RANBP17: variants seen among roughly 807,000 people sequenced by gnomAD.
RANBP17 encodes RAN binding protein 17, also known as ran-binding protein 17.
Under a neutral mutation model 141.2 loss-of-function variants are expected in RANBP17, and 158 were observed. The ratio of observed to expected loss-of-function variants is 1.12; its 90% CI spans 0.98 to 1.28. The LOEUF (loss-of-function observed/expected upper bound fraction) is 1.28, where lower values mean the gene tolerates loss of function less well. Ranked by LOEUF, RANBP17 falls within the 50% of genes most tolerant of loss-of-function variation. RANBP17 has a pLI of 0.00. For synonymous variants in RANBP17, 430 were observed against 450.0 expected (o/e 0.96, Z 0.56); for missense variants, 1,438 against 1,290.7 (o/e 1.11, Z -1.75).
chr5:171,029,796 T>C (rs946537942), intron 14 of RANBP17, among the ~76,000 whole-genome samples: 1 of 152,110 alleles, frequency 6.6e-6, no homozygotes, highest in African/African-American at 2.4e-5. Context: ...CTACATGTAT[T>C]CTGACATTTA....
intron 25 of RANBP17, among the ~76,000 whole-genome samples, chr5:171,274,656 A>G (rs1767381510): frequency 6.6e-6 from 1 of 152,214 alleles, no homozygotes; most frequent in Admixed American, 6.5e-5. Context: ...GAGATCACCT[A>G]CATCCTGATA....
At chr5:171,251,435 A>G (rs1765551757) in intron 24 of RANBP17, among the ~76,000 whole-genome samples, 1 of 152,172 alleles carries the variant, frequency 6.6e-6, no homozygotes, top group East Asian at 1.9e-4. Context: ...CCACAGTGGA[A>G]TAAAACCAGA....
rs145963312 is a variant in RANBP17, at chr5:171,092,768, T to C, written c.1711-77362T>C. ...AATAAAATCTAGGAAACACAGTTGTTATTCACCCCATAGTAATGAAGAAAC... is the reference window on the plus strand; with the variant it reads ...AATAAAATCTAGGAAACACAGTTGTCATTCACCCCATAGTAATGAAGAAAC... On this transcript the variant is annotated intron_variant, in intron 14 of 27. Coordinates refer to ENST00000523189, the MANE Select transcript of RANBP17 (RefSeq NM_022897.5). 4.6e-5 allele frequency among the ~76,000 whole-genome samples: 7 copies of C among 152,348 alleles called. No individual in the cohort carries two copies. In the East Asian group the frequency reaches 1.3e-3, roughly 29 times the overall value.
intron 12 of RANBP17, among the ~76,000 whole-genome samples, chr5:170,933,841 G>A (rs1048832448): frequency 6.6e-6 from 1 of 152,122 alleles, no homozygotes; most frequent in Non-Finnish European, 1.5e-5. Flanking sequence ...CAACTATGTG[G>A]TCAATTTTGG....
chr5:171,226,298 A>C (rs1327974757), intron 22 of RANBP17, among the ~76,000 whole-genome samples: 1 of 152,100 alleles, frequency 6.6e-6, no homozygotes, highest in Non-Finnish European at 1.5e-5. Context: ...CTTTAGTGAC[A>C]TCTGTTGGTT....
intron 14 of RANBP17, among the ~76,000 whole-genome samples, chr5:171,149,571 A>G (rs905559764): frequency 9.2e-5 from 14 of 152,204 alleles, no homozygotes; most frequent in Non-Finnish European, 2.1e-4. Flanking sequence ...AAGACACGCT[A>G]TGATTGCTTT....
intron 14 of RANBP17, among the ~76,000 whole-genome samples, chr5:171,051,386 T>G (rs1782942401): frequency 6.6e-6 from 1 of 152,178 alleles, no homozygotes. Context: ...GTAATCACTC[T>G]CTATTCTTTA....
At chr5:170,919,701 T>C in intron 11 of RANBP17, 88 bp downstream of exon 11, 1 of 982,280 alleles carries the variant, frequency 1.0e-6, no homozygotes, top group South Asian at 1.8e-5. Context: ...ATTCACCCCT[T>C]TTAGCGTACA....
rs186550722 is a variant in RANBP17, at chr5:171,107,700, T to C, written c.1711-62430T>C. Among the ~76,000 whole-genome samples the C allele has an allele frequency of 5.0e-3, 760 of 152,342 alleles. 3 individuals carry two copies. Among genetic ancestry groups the C allele is most frequent in the Non-Finnish European group, 8.9e-3 (608 of 68,034 alleles). ...CATAGTTTGAATTCACTTACTATTA[T>C]TGATTTCTATATTTATTAGAATGAA... is the stretch of plus-strand genomic sequence containing the variant. On this transcript the variant is annotated intron_variant, in intron 14 of 27. Transcript: ENST00000523189.
intron 4 of RANBP17, among the ~76,000 whole-genome samples, chr5:170,894,063 A>G (rs185301669): frequency 6.6e-6 from 1 of 152,294 alleles, no homozygotes; most frequent in Admixed American, 6.5e-5. Flanking sequence ...GTTAACAAAT[A>G]TTTGATCATT....
At chr5:171,103,395 C>T (rs1322535063) in intron 14 of RANBP17, among the ~76,000 whole-genome samples, 2 of 152,158 alleles carry the variant, frequency 1.3e-5, no homozygotes, top group East Asian at 3.9e-4. Context: ...GCTTTGTTTA[C>T]ACTGTAAGGG....
chr5:170,882,510 A>G (rs1002081201), intron 3 of RANBP17, among the ~76,000 whole-genome samples: 1 of 152,088 alleles, frequency 6.6e-6, no homozygotes, highest in African/African-American at 2.4e-5. Flanking sequence ...AGGAAGTTAG[A>G]TTTGCAGACA....
At chr5:171,273,885 G>T (rs1767294254) in intron 25 of RANBP17, among the ~76,000 whole-genome samples, 1 of 152,060 alleles carries the variant, frequency 6.6e-6, no homozygotes, top group South Asian at 2.1e-4. Flanking sequence ...CTTAATCTGG[G>T]GCTTTGGGGG....
At chr5:171,110,864 T>A (rs1170734542) in intron 14 of RANBP17, among the ~76,000 whole-genome samples, 2 of 83,354 alleles carry the variant, frequency 2.4e-5, no homozygotes, top group African/African-American at 5.9e-5. Flanking sequence ...TTTTTTTTAA[T>A]TTTTTTTTTA....
At chr5:170,866,677 C>CAA (rs796168622) in intron 1 of RANBP17, among the ~76,000 whole-genome samples, 5 of 122,782 alleles carry the variant, frequency 4.1e-5, no homozygotes, top group African/African-American at 1.2e-4. Flanking sequence ...TCCATCTCAA[C>CAA]AAAAAAAAAA....
chr5:171,011,239 T>G (rs1280094790), intron 14 of RANBP17, among the ~76,000 whole-genome samples: 21 of 152,128 alleles, frequency 1.4e-4, no homozygotes, highest in Non-Finnish European at 4.4e-5. Context: ...GATATTGTAC[T>G]GCTTGTATTT....
At chr5:171,090,224 G>T (rs1786136443) in intron 14 of RANBP17, among the ~76,000 whole-genome samples, 1 of 152,184 alleles carries the variant, frequency 6.6e-6, no homozygotes, top group South Asian at 2.1e-4. Flanking sequence ...TGAAATCCAG[G>T]CTGAGGTGGT....
chr5:170,977,187 C>G (rs1458767887), intron 14 of RANBP17, among the ~76,000 whole-genome samples: 1 of 151,860 alleles, frequency 6.6e-6, no homozygotes, highest in East Asian at 1.9e-4. Flanking sequence ...GGCAAAAGAT[C>G]TAAACAGACA....
intron 14 of RANBP17, among the ~76,000 whole-genome samples, chr5:170,985,090 C>T (rs1052786014): frequency 1.4e-4 from 21 of 151,014 alleles, no homozygotes; most frequent in South Asian, 1.0e-3. Context: ...CACACACACA[C>T]GCAGAACCAC....
Sources: gnomAD v4.1 joint callset for allele counts (sites outside exome capture counted in the v4.1 genomes callset) on GRCh38, gnomAD v4.1.1 for gene constraint, MANE v1.5 for transcripts, NCBI Gene and HGNC (gene_info 2026-07-23, HGNC 2026-07-21) for gene names.